LRRK1: variants seen among roughly 807,000 people sequenced by gnomAD.
The protein encoded by LRRK1 is leucine rich repeat kinase 1.
LRRK1 carries 113 observed loss-of-function variants against 209.1 expected under a neutral mutation model. The observed-to-expected ratio is 0.54, with a 90% CI of 0.46 to 0.63. The LOEUF is 0.63. LRRK1 is among the 30% of genes least tolerant of loss of function. The pLI, the probability that LRRK1 is intolerant of heterozygous loss-of-function variation, is 0.00. For missense variants in LRRK1, 2,284 were observed against 2,632.2 expected (o/e 0.87, Z 2.89); for synonymous variants, 1,144 against 1,099.7 (o/e 1.04, Z -0.80).
intron 15 of LRRK1, among the ~76,000 whole-genome samples, chr15:101,023,335 A>T (rs1055675865): frequency 1.1e-4 from 17 of 152,240 alleles, no homozygotes; most frequent in African/African-American, 3.1e-4. Flanking sequence ...TTCAAAAAAA[A>T]TTTTTTGAGT....
At chr15:100,974,072 T>C in intron 3 of LRRK1, 105 bp downstream of exon 3, 1 of 998,808 alleles carries the variant, frequency 1.0e-6, no homozygotes, top group Non-Finnish European at 1.3e-6. Context: ...ATGGGCGTTT[T>C]TACTGTGTTC....
chr15:101,008,284 T>C (rs749165989), intron 6 of LRRK1, among the ~76,000 whole-genome samples: 1 of 152,086 alleles, frequency 6.6e-6, no homozygotes, highest in Non-Finnish European at 1.5e-5. Flanking sequence ...TTCTGTTTTT[T>C]ATATATTGTG....
Position 101,072,948 on chromosome 15 carries a change from C to CGGGG in LRRK1, c.*4103_*4106dup, listed in dbSNP as rs1284664341. The CGGGG allele has an allele frequency of 1.6e-4, 14 of 89,854 alleles. No homozygotes were observed. The highest frequency in any genetic ancestry group is 4.7e-4 in the African/African-American group (12 of 25,530). The allele number at this position is 89,854 out of a possible 1,614,324, so 5.6% of individuals were successfully genotyped here. The stretch of plus-strand genomic sequence containing the variant: ...ATTAAATTTGGTGCCGTAACTGGCG[C>CGGGG]GGGGGGAGGGGGGGGGGAACCTCCC... On this transcript the variant is annotated 3_prime_UTR_variant, in exon 34 of 34. Transcript: ENST00000388948.
Position 101,009,080 on chromosome 15 carries a change from T to C in LRRK1, c.989+17T>C. 6.3e-7 allele frequency: 1 copy of C among 1,584,300 alleles called. No homozygotes were observed. Among genetic ancestry groups the C allele is most frequent in the South Asian group, 1.1e-5 (1 of 90,146 alleles). On this transcript the variant is annotated intron_variant, in intron 7 of 33. Coordinates refer to ENST00000388948, the MANE Select transcript of LRRK1 (RefSeq NM_024652.6). ...CTGTTCCAGGTGGCTCCCCGGGGTGTGACCGGAGCCGTGTGTGACCCCGCT... is the reference window on the plus strand; with the variant it reads ...CTGTTCCAGGTGGCTCCCCGGGGTGCGACCGGAGCCGTGTGTGACCCCGCT...
chr15:100,952,254 A>C (rs1259217588), intron 2 of LRRK1, among the ~76,000 whole-genome samples: 1 of 152,208 alleles, frequency 6.6e-6, no homozygotes, highest in Non-Finnish European at 1.5e-5. Context: ...ATAGTTACAC[A>C]ACTCTGTGAA....
At position 101,024,881 on chromosome 15, in the gene LRRK1, G is replaced by A; in HGVS notation, c.2146G>A (p.Asp716Asn). 1 of 1,614,178 alleles carries A rather than the reference G, an allele frequency of 6.2e-7. No homozygotes were observed. Among genetic ancestry groups the A allele is most frequent in the African/African-American group, 1.3e-5 (1 of 75,060 alleles). ...MATVNQCFFT[D>N]KALYVVVWNL... ...CACTGTCAACCAGTGCTTCTTCACG[G>A]ACAAGGCCCTGTACGTGGTGGTCTG... Residue 716 changes from aspartate to asparagine, a missense_variant, in exon 16 of 34, where the codon GAC becomes AAC. Transcript: ENST00000388948. This position sits in a 1 kb window ranked among gnomAD's most constrained non-coding sequence, Gnocchi z 4.6.
chr15:100,994,399 T>C (rs931386095), intron 6 of LRRK1, among the ~76,000 whole-genome samples: 2 of 152,244 alleles, frequency 1.3e-5, no homozygotes, highest in African/African-American at 4.8e-5. Context: ...AGACCCGGCA[T>C]GAGGAGTTTT....
chr15:100,942,065 T>C (rs1366262771), intron 2 of LRRK1, among the ~76,000 whole-genome samples: 1 of 152,236 alleles, frequency 6.6e-6, no homozygotes, highest in African/African-American at 2.4e-5. Context: ...TTTGTAATAA[T>C]TTCTAAGGAT....
chr15:101,062,840 T>C (rs2036267164), intron 31 of LRRK1, 150 bp downstream of exon 31: 1 of 679,636 alleles, frequency 1.5e-6, no homozygotes, highest in African/African-American at 1.8e-5. Context: ...GGAGGAAAGA[T>C]ATCAGACCTG....
intron 12 of LRRK1, among the ~76,000 whole-genome samples, chr15:101,017,806 C>A (rs375244397): frequency 6.6e-6 from 1 of 152,044 alleles, no homozygotes; most frequent in East Asian, 1.9e-4. Context: ...AGAACTTCAA[C>A]TTAGTGTAAA....
chr15:101,014,548 T>C, intron 11 of LRRK1, 120 bp downstream of exon 11: 1 of 700,410 alleles, frequency 1.4e-6, no homozygotes, highest in East Asian at 2.7e-5. Context: ...AGCTGGGGGC[T>C]TAACAACAGA....
rs1456847029 is a variant in LRRK1, at chr15:100,962,798, T to TATATATAC, written c.98-10999_98-10998insCATATATA. Among the ~76,000 whole-genome samples the TATATATAC allele has an allele frequency of 1.2e-3, 19 of 15,628 alleles. 5 individuals are homozygous for TATATATAC. The highest frequency in any genetic ancestry group is 2.7e-3 in the African/African-American group (18 of 6,714). 10.3% of individuals were successfully genotyped at this position (15,628 alleles called of 152,430 possible). ...AGAATAAATTATTTCATTTTGCATA[T>TATATATAC]ATATATATATATATATATATATATA... On this transcript the variant is annotated intron_variant, in intron 2 of 33. Coordinates refer to ENST00000388948, the MANE Select transcript of LRRK1 (RefSeq NM_024652.6).
intron 30 of LRRK1, among the ~76,000 whole-genome samples, chr15:101,062,058 C>T (rs1002722873): frequency 5.9e-5 from 9 of 152,238 alleles, no homozygotes; most frequent in African/African-American, 2.2e-4. Context: ...AGGTGCAGCC[C>T]AGTCCCAGGC....
chr15:101,029,693 C>A (rs1471222311), intron 20 of LRRK1, among the ~76,000 whole-genome samples: 3 of 152,016 alleles, frequency 2.0e-5, no homozygotes, highest in African/African-American at 4.8e-5. Context: ...CATGGTGAAA[C>A]CCCGTTTCTA....
At chr15:101,011,300 C>T (rs1454059328) in intron 9 of LRRK1, among the ~76,000 whole-genome samples, 1 of 148,372 alleles carries the variant, frequency 6.7e-6, no homozygotes, top group Non-Finnish European at 1.5e-5. Flanking sequence ...AACCCCGTCT[C>T]TACTAAAATT....
chr15:100,998,414 C>T (rs1385607433), intron 6 of LRRK1, among the ~76,000 whole-genome samples: 1 of 152,186 alleles, frequency 6.6e-6, no homozygotes, highest in East Asian at 1.9e-4. Context: ...TGCCCCCACC[C>T]CAACCTTCTA....
At chr15:101,001,716 T>G (rs1206243329) in intron 6 of LRRK1, among the ~76,000 whole-genome samples, 1 of 152,202 alleles carries the variant, frequency 6.6e-6, no homozygotes, top group Non-Finnish European at 1.5e-5. Flanking sequence ...AATAGATACC[T>G]ATTAACTGCT....
chr15:101,076,060 A>G lies in LRRK1; in HGVS notation c.*7212A>G, dbSNP rs1283114024. On this transcript the variant is annotated 3_prime_UTR_variant, in exon 34 of 34. Coordinates refer to ENST00000388948, the MANE Select transcript of LRRK1 (RefSeq NM_024652.6). The stretch of plus-strand genomic sequence containing the variant: ...CCCCAACCCCTTCTACAAAACAAGA[A>G]CTCCTTTCCTTCCTAGGCATGGTTA... 2.0e-5 allele frequency: 3 copies of G among 151,726 alleles called. No individual in the cohort carries two copies. Among genetic ancestry groups the G allele is most frequent in the African/African-American group, 7.3e-5 (3 of 41,250 alleles). 9.4% of individuals were successfully genotyped at this position (151,726 alleles called of 1,614,324 possible). A position where few individuals can be genotyped will look rare whatever the true frequency, so the allele number is the denominator to read the frequency against.
intron 4 of LRRK1, among the ~76,000 whole-genome samples, chr15:100,984,981 C>T (rs1341215995): frequency 6.6e-6 from 1 of 152,170 alleles, no homozygotes; most frequent in Non-Finnish European, 1.5e-5. Context: ...ACTCTGTACT[C>T]ACTATCTTAA....
Sources: allele counts gnomAD v4.1 joint callset (sites outside exome capture counted in the v4.1 genomes callset), GRCh38; gene constraint gnomAD v4.1.1; non-coding constraint Gnocchi (gnomAD v3.1); transcripts MANE v1.5; gene names NCBI Gene and HGNC (gene_info 2026-07-23, HGNC 2026-07-21).